BLTP3A: variants seen among roughly 807,000 people sequenced by gnomAD.
BLTP3A encodes ICBP90 binding protein 1.
the BLTP3A span, among the ~76,000 whole-genome samples, chr6:34,814,511 T>C: frequency 6.6e-6 from 1 of 152,204 alleles, no homozygotes; most frequent in Non-Finnish European, 1.5e-5. Flanking sequence ...GGACCGCTCA[T>C]GGTGGTCCAG....
the BLTP3A span, among the ~76,000 whole-genome samples, chr6:34,797,650 T>G: frequency 6.6e-6 from 1 of 152,222 alleles, no homozygotes; most frequent in Non-Finnish European, 1.5e-5. Context: ...TAGTAATAGT[T>G]AAATCCTATG....
At chr6:34,856,522 A>C in the BLTP3A span, 1 of 1,379,222 alleles carries the variant, frequency 7.3e-7, no homozygotes, top group Non-Finnish European at 9.8e-7. Flanking sequence ...TATGTAATGG[A>C]GAGACATCAG....
At chr6:34,872,498 T>A in the BLTP3A span, 1 of 1,554,808 alleles carries the variant, frequency 6.4e-7, no homozygotes, top group Non-Finnish European at 8.6e-7. Context: ...TAGCACCACC[T>A]AGGACAGAGG....
chr6:34,834,623 T>C, the BLTP3A span: 1 of 1,483,030 alleles, frequency 6.7e-7, no homozygotes, highest in Non-Finnish European at 9.2e-7. Flanking sequence ...CTGAGAGTGC[T>C]GGGAGTCTCT....
At chr6:34,846,560 A>G in the BLTP3A span, among the ~76,000 whole-genome samples, 1 of 152,224 alleles carries the variant, frequency 6.6e-6, no homozygotes, top group African/African-American at 2.4e-5. Context: ...TTTCTTTTTC[A>G]GATTGTTTGC....
chr6:34,811,769 C>A, the BLTP3A span, among the ~76,000 whole-genome samples: 1 of 150,014 alleles, frequency 6.7e-6, no homozygotes, highest in Non-Finnish European at 1.5e-5. Context: ...TGAGGCAGGA[C>A]AATCGCTTGA....
At chr6:34,856,888 A>G in the BLTP3A span, 19 of 1,614,032 alleles carry the variant, frequency 1.2e-5, no homozygotes, top group Non-Finnish European at 1.6e-5. Flanking sequence ...CTTACGCTCT[A>G]GCTGCATGGT....
chr6:34,828,041 G>C, the BLTP3A span, among the ~76,000 whole-genome samples: 4 of 152,132 alleles, frequency 2.6e-5, no homozygotes, highest in African/African-American at 9.7e-5. Flanking sequence ...TAACAACTGT[G>C]AAACAAGGCA....
chr6:34,824,022 A>G, the BLTP3A span, among the ~76,000 whole-genome samples: 1 of 149,420 alleles, frequency 6.7e-6, no homozygotes, highest in Non-Finnish European at 1.5e-5. Flanking sequence ...GGCTCACTGC[A>G]TCATCTGCCT....
chr6:34,869,516 G>T, the BLTP3A span, among the ~76,000 whole-genome samples: 1 of 150,932 alleles, frequency 6.6e-6, no homozygotes, highest in Non-Finnish European at 1.5e-5. Flanking sequence ...ATAATAGATT[G>T]TACTATTTTT....
At chr6:34,853,742 G>A in the BLTP3A span, among the ~76,000 whole-genome samples, 1 of 151,770 alleles carries the variant, frequency 6.6e-6, no homozygotes, top group African/African-American at 2.4e-5. Flanking sequence ...TGTATTTTTA[G>A]TAGAGACGAA....
At chr6:34,802,110 A>G in the BLTP3A span, among the ~76,000 whole-genome samples, 1 of 152,130 alleles carries the variant, frequency 6.6e-6, no homozygotes, top group African/African-American at 2.4e-5. Flanking sequence ...TTTACCAAGA[A>G]TTTGTCACCG....
chr6:34,821,436 ATTTG>A, the BLTP3A span: 2 of 507,878 alleles, frequency 3.9e-6, no homozygotes, highest in South Asian at 2.8e-5. Context: ...GTCTGAGTGC[ATTTG>A]TTCTGGCTGG....
the BLTP3A span, among the ~76,000 whole-genome samples, chr6:34,861,023 C>T: frequency 6.6e-6 from 1 of 152,196 alleles, no homozygotes; most frequent in Admixed American, 6.5e-5. Flanking sequence ...ACTCTCAATT[C>T]TCTGAAGGAG....
chr6:34,801,120 T>C, the BLTP3A span, among the ~76,000 whole-genome samples: 25 of 152,334 alleles, frequency 1.6e-4, no homozygotes, highest in Non-Finnish European at 3.2e-4. Flanking sequence ...GTATGCTTGG[T>C]CTTTAGAGTG....
chr6:34,859,997 T>C, the BLTP3A span, among the ~76,000 whole-genome samples: 1 of 152,182 alleles, frequency 6.6e-6, no homozygotes, highest in South Asian at 2.1e-4. Context: ...TTCATCTAAT[T>C]TTTTTGTTTG....
At chr6:34,802,664 C>G in the BLTP3A span, among the ~76,000 whole-genome samples, 2 of 152,156 alleles carry the variant, frequency 1.3e-5, no homozygotes, top group East Asian at 3.9e-4. Context: ...CCCAGCCTGT[C>G]TGCATTTTTA....
the BLTP3A span, chr6:34,859,646 A>G: frequency 1.9e-6 from 3 of 1,563,992 alleles, no homozygotes; most frequent in South Asian, 2.4e-5. Flanking sequence ...AAGGCCTCTT[A>G]CTATGTGCAT....
At chr6:34,867,653 C>G in the BLTP3A span, 1 of 1,596,552 alleles carries the variant, frequency 6.3e-7, no homozygotes, top group East Asian at 2.2e-5. Context: ...GATCATGGGA[C>G]TTGTCTAGGA....
Sources: allele counts gnomAD v4.1 joint callset (sites outside exome capture counted in the v4.1 genomes callset), GRCh38; gene constraint gnomAD v4.1.1; transcripts MANE v1.5; gene names NCBI Gene and HGNC (gene_info 2026-07-23, HGNC 2026-07-21).